HELZ: variants seen among roughly 807,000 people sequenced by gnomAD.
HELZ encodes the protein ATP-dependent RNA helicase with zinc finger domain.
Under a neutral mutation model 218.2 loss-of-function variants are expected in HELZ, and 23 were observed. The ratio of observed to expected loss-of-function variants is 0.11; its 90% confidence interval spans 0.08 to 0.15. HELZ has a LOEUF of 0.15. HELZ is among the 10% of genes least tolerant of loss of function. The pLI is 1.00. For synonymous variants in HELZ, 814 were observed against 829.4 expected (o/e 0.98, Z 0.32); for missense variants, 1,813 against 2,353.7 (o/e 0.77, Z 4.75).
At position 67,109,435 on chromosome 17, in the gene HELZ, T is replaced by C; in HGVS notation, c.4170A>G (p.Gln1390=). 6.2e-7 allele frequency: 1 copy of C among 1,614,140 alleles called. No individual in the cohort carries two copies. The highest frequency in any genetic ancestry group is 8.5e-7 in the Non-Finnish European group (1 of 1,180,026). Residue 1390 remains glutamine (Q), a synonymous_variant, in exon 29 of 33, where the codon CAA becomes CAG. Transcript: ENST00000358691. ...LNQQQNNLPE[Q]PNQIPPQPNQ... Reference sequence around the variant, plus strand: ...TTGGCTGAGGTGGTATCTGATTTGGTTGTTCAGGCAAATTATTCTGCTGCT... The same window carrying C: ...TTGGCTGAGGTGGTATCTGATTTGGCTGTTCAGGCAAATTATTCTGCTGCT...
chr17:67,203,467 T>A (rs918017402), intron 5 of HELZ, 24 bp from the exon 6 acceptor site: 17 of 1,611,970 alleles, frequency 1.1e-5, no homozygotes, highest in Non-Finnish European at 1.4e-5. Context: ...ACAGCCATCA[T>A]TAACCATATG....
At chr17:67,226,501 C>T (rs1201293558) in intron 3 of HELZ, among the ~76,000 whole-genome samples, 2 of 151,960 alleles carry the variant, frequency 1.3e-5, no homozygotes, top group Non-Finnish European at 2.9e-5. Flanking sequence ...ATTGATAACA[C>T]CAAGGGATGT....
intron 32 of HELZ, among the ~76,000 whole-genome samples, chr17:67,079,248 T>C (rs1456648113): frequency 3.3e-5 from 5 of 152,228 alleles, no homozygotes; most frequent in African/African-American, 1.2e-4. Context: ...TGTAACATTG[T>C]ACTGGATTAT....
At chr17:67,099,170 T>C (rs1024644927) in intron 31 of HELZ, among the ~76,000 whole-genome samples, 3 of 152,218 alleles carry the variant, frequency 2.0e-5, no homozygotes, top group African/African-American at 7.2e-5. Context: ...TTTCTTTTCT[T>C]ATTTCTTGAC....
rs73341001 is a variant in HELZ at position 67,108,970 on chromosome 17, C to A, written c.4489+146G>T. On this transcript the variant is annotated intron_variant, in intron 29 of 32. Coordinates refer to ENST00000358691, the MANE Select transcript of HELZ (RefSeq NM_014877.4). This position sits in a 1 kb window ranked among gnomAD's most constrained non-coding sequence, Gnocchi z 4.1. The stretch of plus-strand genomic sequence containing the variant: ...GGATACTATCATACAGCATTTAGAA[C>A]TAGTTTCTGATTATCACACTAAATG... The A allele has an allele frequency of 0.01, 7,216 of 702,742 alleles. 372 individuals are homozygous for A. In the African/African-American group the frequency reaches 0.11, roughly 11 times the overall value. The allele number at this position is 702,742 out of a possible 1,614,324, so 43.5% of individuals were successfully genotyped here.
At chr17:67,120,247 G>A (rs1272473282) in intron 27 of HELZ, among the ~76,000 whole-genome samples, 158 bp downstream of exon 27, 3 of 151,754 alleles carry the variant, frequency 2.0e-5, no homozygotes, top group African/African-American at 7.3e-5. Context: ...CTCATGATCT[G>A]CCCGCCTCGG....
intron 3 of HELZ, among the ~76,000 whole-genome samples, chr17:67,233,308 G>A (rs1442328762): frequency 2.0e-5 from 3 of 152,086 alleles, no homozygotes; most frequent in Admixed American, 1.3e-4. Flanking sequence ...AGCTGAGATC[G>A]CACCACTGCA....
chr17:67,230,398 C>A (rs2041004907), intron 3 of HELZ, among the ~76,000 whole-genome samples: 1 of 151,962 alleles, frequency 6.6e-6, no homozygotes, highest in Admixed American at 6.6e-5. Flanking sequence ...GAGATGGAGA[C>A]CATCCTGGCC....
rs2039526910 is a variant in HELZ at position 67,178,800 on chromosome 17, A to G, written c.1289T>C (p.Ile430Thr). 9.9e-6 allele frequency: 16 copies of G among 1,614,022 alleles called. No individual in the cohort carries two copies. Among genetic ancestry groups the G allele is most frequent in the Non-Finnish European group, 1.4e-5 (16 of 1,179,918 alleles). The change falls in exon 13 of 33, where the codon ATC becomes ACC. Residue 430 changes from isoleucine (I) to threonine (T), a missense_variant. Physicochemically the swap from Ile to Thr is moderately conservative, Grantham distance 89. Coordinates refer to ENST00000358691, the MANE Select transcript of HELZ (RefSeq NM_014877.4). The stretch of plus-strand genomic sequence containing the variant: ...AGCAGAGAGGGGAATTTGGTATCTG[A>G]TAAGAAGGCTCTTCTCCAAATCAGT... The part of the protein sequence containing the change: ...ETTDLEKSLL[I>T]RYQIPLSADQ...
chr17:67,078,591 A>G lies in HELZ; in HGVS notation c.5495-5T>C, dbSNP rs754379098. The G allele has an allele frequency of 8.9e-6, 13 of 1,467,948 alleles. No homozygotes were observed. The highest frequency in any genetic ancestry group is 1.2e-5 in the Non-Finnish European group (13 of 1,108,692). 90.9% of individuals were successfully genotyped at this position (1,467,948 alleles called of 1,614,324 possible). On this transcript the variant is annotated splice_polypyrimidine_tract_variant and splice_region_variant and intron_variant, in intron 32 of 32. Transcript: ENST00000358691. The stretch of plus-strand genomic sequence containing the variant: ...GTTTGACAGTCTTGGGTGGCGCTAA[A>G]AGCAGAGAACAGTGACACAGATTTA...
At chr17:67,183,849 C>A (rs945038852) in intron 12 of HELZ, among the ~76,000 whole-genome samples, 1 of 151,012 alleles carries the variant, frequency 6.6e-6, no homozygotes, top group Non-Finnish European at 1.5e-5. Context: ...CGAATCTCCC[C>A]AACAAGGGAA....
chr17:67,217,248 A>C (rs779386604), intron 4 of HELZ, among the ~76,000 whole-genome samples: 13 of 152,260 alleles, frequency 8.5e-5, no homozygotes, highest in Non-Finnish European at 1.8e-4. Context: ...TGCTCAGACA[A>C]AAAGTATCGA....
At chr17:67,153,346 T>C (rs1370347773) in intron 17 of HELZ, among the ~76,000 whole-genome samples, 1 of 152,044 alleles carries the variant, frequency 6.6e-6, no homozygotes, top group Non-Finnish European at 1.5e-5. Flanking sequence ...GGAGGGAAAG[T>C]AGTTACTAAG....
intron 5 of HELZ, 36 bp from the exon 6 acceptor site, chr17:67,203,479 C>T (rs1303847477): frequency 5.0e-6 from 8 of 1,606,290 alleles, no homozygotes; most frequent in Non-Finnish European, 6.8e-6. Flanking sequence ...AACCATATGA[C>T]ATTTAATGCA....
intron 3 of HELZ, among the ~76,000 whole-genome samples, chr17:67,230,566 C>CA (rs2041010376): frequency 7.9e-6 from 1 of 127,280 alleles, no homozygotes; most frequent in Non-Finnish European, 1.6e-5. Context: ...CATTGTACTC[C>CA]AGCCTGGTGG....
intron 28 of HELZ, 74 bp downstream of exon 28, chr17:67,114,250 T>C (rs2037364957): frequency 9.7e-7 from 1 of 1,028,066 alleles, no homozygotes; most frequent in Admixed American, 1.8e-5. Flanking sequence ...GGTATTTTTC[T>C]TTAAAACATC....
intron 3 of HELZ, among the ~76,000 whole-genome samples, chr17:67,238,333 C>A (rs1322319811): frequency 7.1e-6 from 1 of 139,928 alleles, no homozygotes; most frequent in Non-Finnish European, 1.5e-5. Flanking sequence ...GGCGACACTG[C>A]CAAGACTCTG....
chr17:67,197,926 A>C (rs1348112945), intron 7 of HELZ, among the ~76,000 whole-genome samples: 1 of 152,178 alleles, frequency 6.6e-6, no homozygotes. Flanking sequence ...ACAGATTAAC[A>C]AATCAGGAGT....
At chr17:67,208,830 G>A (rs953914944) in intron 5 of HELZ, among the ~76,000 whole-genome samples, 7 of 151,816 alleles carry the variant, frequency 4.6e-5, no homozygotes, top group African/African-American at 1.7e-4. Context: ...CCAGCTACTT[G>A]GGAGGCTGGG....
Sources: allele counts gnomAD v4.1 joint callset (sites outside exome capture counted in the v4.1 genomes callset), GRCh38; gene constraint gnomAD v4.1.1; non-coding constraint Gnocchi (gnomAD v3.1); transcripts MANE v1.5; gene names NCBI Gene and HGNC (gene_info 2026-07-23, HGNC 2026-07-21).